The following TRIM44 variants were observed in gnomAD, a reference collection of about 807,000 sequenced individuals.
The protein encoded by TRIM44 is tripartite motif containing 44.
TRIM44 carries 13 observed loss-of-function variants against 37.4 expected under a neutral mutation model. That is an observed-to-expected ratio of 0.35 (90% CI 0.23 to 0.55). TRIM44 has a LOEUF of 0.55. TRIM44 is among the 20% of genes least tolerant of loss of function. The pLI, the probability that TRIM44 is intolerant of heterozygous loss-of-function variation, is 0.89. For synonymous variants in TRIM44, 175 were observed against 157.2 expected (o/e 1.11, Z -0.85); for missense variants, 426 against 437.2 (o/e 0.97, Z 0.23).
chr11:35,745,147 C>G (rs939026556), intron 4 of TRIM44, among the ~76,000 whole-genome samples: 1 of 152,190 alleles, frequency 6.6e-6, no homozygotes, highest in Non-Finnish European at 1.5e-5. Flanking sequence ...AATCACCACA[C>G]ACTCTTCCAC....
chr11:35,736,107 A>T (rs917293343), intron 4 of TRIM44, among the ~76,000 whole-genome samples: 7 of 152,168 alleles, frequency 4.6e-5, no homozygotes, highest in South Asian at 2.1e-4. Flanking sequence ...CATCAACACA[A>T]TTGAGGAATA....
chr11:35,675,747 C>T (rs2135485926), intron 1 of TRIM44, among the ~76,000 whole-genome samples: 1 of 152,196 alleles, frequency 6.6e-6, no homozygotes, highest in South Asian at 2.1e-4. Flanking sequence ...GTCTCGATCT[C>T]CTGACTTCGT....
intron 2 of TRIM44, among the ~76,000 whole-genome samples, chr11:35,725,410 T>C (rs1852162464): frequency 1.3e-5 from 2 of 152,158 alleles, no homozygotes; most frequent in Non-Finnish European, 2.9e-5. Flanking sequence ...CTGGGCTCAC[T>C]GCAACCTCCA....
At chr11:35,756,840 A>T (rs1022210642) in intron 4 of TRIM44, among the ~76,000 whole-genome samples, 3 of 152,220 alleles carry the variant, frequency 2.0e-5, no homozygotes, top group African/African-American at 7.2e-5. Flanking sequence ...CCAGCCTTGC[A>T]TCCCAGGGAT....
At chr11:35,727,311 C>A (rs986737537) in intron 3 of TRIM44, among the ~76,000 whole-genome samples, 3 of 152,116 alleles carry the variant, frequency 2.0e-5, no homozygotes, top group Non-Finnish European at 4.4e-5. Context: ...GTCCTGTGGA[C>A]TTTCTAGGAC....
chr11:35,667,044 G>A (rs1851340453), intron 1 of TRIM44, among the ~76,000 whole-genome samples: 1 of 152,060 alleles, frequency 6.6e-6, no homozygotes, highest in Admixed American at 6.5e-5. Flanking sequence ...TGGGTATTCT[G>A]GCCTTGTTCC....
intron 2 of TRIM44, among the ~76,000 whole-genome samples, chr11:35,705,202 G>T (rs1197309344): frequency 6.6e-6 from 1 of 151,300 alleles, no homozygotes; most frequent in South Asian, 2.1e-4. Flanking sequence ...AATTCAACAA[G>T]AAGAGCTAAC....
At chr11:35,692,474 T>A (rs1033381199) in intron 2 of TRIM44, among the ~76,000 whole-genome samples, 17 of 152,176 alleles carry the variant, frequency 1.1e-4, no homozygotes, top group African/African-American at 4.1e-4. Context: ...ATATTTGTGT[T>A]ATGCTAGTTG....
chr11:35,663,659 G>A lies in TRIM44; in HGVS notation c.548G>A (p.Gly183Glu). ...RVAKRKCPDH[G>E]LDLSTYCQED... is the part of the protein sequence containing the mutation. ...GCCAAGAGGAAGTGTCCGGACCATG[G>A]GCTTGATTTGAGTACCTATTGCCAG... Residue 183 changes from glycine (G) to glutamate (E), a missense_variant, in exon 1 of 5, where the codon GGG (glycine) becomes GAG (glutamate). Gly to Glu is a moderately conservative substitution (Grantham distance 98, BLOSUM62 -2). Around this residue, in one of 2 missense-constraint regions of TRIM44, gnomAD observed 331 missense variants for 303.0 expected, o/e 1.09. Coordinates refer to ENST00000299413, the MANE Select transcript of TRIM44 (RefSeq NM_017583.6). 2.5e-6 allele frequency: 4 copies of A among 1,614,142 alleles called. No homozygotes were observed. In the Admixed American group the frequency reaches 5.0e-5, roughly 20 times the overall value.
Position 35,812,366 on chromosome 11 carries a change from CACTA to C in TRIM44, c.*5983_*5986del, listed in dbSNP as rs1392561185. The C allele has an allele frequency of 6.6e-6, 1 of 152,164 alleles. No individual in the cohort carries two copies. The highest frequency in any genetic ancestry group is 1.5e-5 in the Non-Finnish European group (1 of 68,028). The allele number at this position is 152,164 out of a possible 1,614,324, so 9.4% of individuals were successfully genotyped here. On this transcript the variant is annotated 3_prime_UTR_variant, in exon 5 of 5. Transcript: ENST00000299413. ...ACTGCTTGAAGTCAGTAACAGACTG[CACTA>C]AGTGTCTGTGCTTGTTAACTATTGT...
intron 4 of TRIM44, among the ~76,000 whole-genome samples, chr11:35,799,350 A>G (rs144061864): frequency 1.2e-4 from 18 of 152,356 alleles, no homozygotes; most frequent in Admixed American, 4.6e-4. Flanking sequence ...TGGAGACCCA[A>G]GGCTCTCTCA....
intron 2 of TRIM44, among the ~76,000 whole-genome samples, chr11:35,685,618 C>T (rs1590504716): frequency 6.6e-6 from 1 of 152,162 alleles, no homozygotes. Flanking sequence ...AATCTTTGGT[C>T]CTCTGTGTCC....
intron 2 of TRIM44, among the ~76,000 whole-genome samples, chr11:35,705,741 T>C (rs1217321896): frequency 6.8e-6 from 1 of 146,710 alleles, no homozygotes. Context: ...CATACCAGAA[T>C]CTCTGGGACA....
At chr11:35,775,487 C>T (rs996032639) in intron 4 of TRIM44, among the ~76,000 whole-genome samples, 1 of 152,188 alleles carries the variant, frequency 6.6e-6, no homozygotes, top group Non-Finnish European at 1.5e-5. Flanking sequence ...ATTGCCCTGG[C>T]CAGAACTTCC....
chr11:35,798,425 G>A (rs1487256333), intron 4 of TRIM44, among the ~76,000 whole-genome samples: 1 of 152,102 alleles, frequency 6.6e-6, no homozygotes, highest in Non-Finnish European at 1.5e-5. Context: ...ATAGTTCATT[G>A]GCAACAAATA....
At chr11:35,751,738 T>C (rs1413983945) in intron 4 of TRIM44, among the ~76,000 whole-genome samples, 1 of 152,214 alleles carries the variant, frequency 6.6e-6, no homozygotes, top group Non-Finnish European at 1.5e-5. Flanking sequence ...ATTTACAACC[T>C]GAGGCTTAAA....
chr11:35,790,231 C>G (rs923159060), intron 4 of TRIM44, among the ~76,000 whole-genome samples: 37 of 152,302 alleles, frequency 2.4e-4, no homozygotes, highest in African/African-American at 8.9e-4. Flanking sequence ...ATGGCATACT[C>G]TTGTCTTGTA....
At chr11:35,764,463 C>G (rs1852767009) in intron 4 of TRIM44, among the ~76,000 whole-genome samples, 1 of 152,150 alleles carries the variant, frequency 6.6e-6, no homozygotes. Flanking sequence ...TGACACCAGT[C>G]CATGTAAGTC....
intron 2 of TRIM44, among the ~76,000 whole-genome samples, chr11:35,706,881 C>T (rs1301306162): frequency 1.3e-5 from 2 of 150,514 alleles, no homozygotes; most frequent in Admixed American, 6.6e-5. Flanking sequence ...CTCACCACTC[C>T]TATTCAACAT....
Sources: allele counts gnomAD v4.1 joint callset (sites outside exome capture counted in the v4.1 genomes callset), GRCh38; gene constraint gnomAD v4.1.1; regional missense constraint gnomAD v4.1.1; transcripts MANE v1.5; gene names NCBI Gene and HGNC (gene_info 2026-07-23, HGNC 2026-07-21).